DLG2: variants seen among roughly 807,000 people sequenced by gnomAD.
The protein encoded by DLG2 is disks large homolog 2.
DLG2 carries 45 observed loss-of-function variants against 132.5 expected under a neutral mutation model. That is an observed-to-expected ratio of 0.34 (90% confidence interval 0.27 to 0.44). The LOEUF is 0.44. Among genes scored for constraint, DLG2 ranks in the 20% least tolerant of loss-of-function variants. The pLI is 1.00. For missense variants in DLG2, 1,045 were observed against 1,196.9 expected, an observed-to-expected ratio of 0.87 and a Z score of 1.87; for synonymous variants, 424 against 419.6, an observed-to-expected ratio of 1.01 and a Z score of -0.13.
At chr11:85,154,135 GAAAAAA>G (rs34094958) in intron 5 of DLG2, among the ~76,000 whole-genome samples, 1 of 57,674 alleles carries the variant, frequency 1.7e-5, no homozygotes, top group African/African-American at 6.2e-5. Context: ...TTCTTTTGGA[GAAAAAA>G]AAAAAAAAAA....
intron 6 of DLG2, among the ~76,000 whole-genome samples, chr11:84,816,618 AGCCCT>A (rs751364647): frequency 2.4e-4 from 37 of 151,976 alleles, no homozygotes; most frequent in Admixed American, 7.9e-4. Context: ...TTCATATAAC[AGCCCT>A]GCAAGAAAGC....
chr11:84,631,018 T>TCTCTCTCACACA, intron 6 of DLG2, among the ~76,000 whole-genome samples: 1 of 94,262 alleles, frequency 1.1e-5, no homozygotes, highest in Non-Finnish European at 2.0e-5. Context: ...TCTCTCTCTC[T>TCTCTCTCACACA]CACACACACA....
At chr11:83,542,854 C>T (rs1373134351) in intron 19 of DLG2, among the ~76,000 whole-genome samples, 5 of 152,136 alleles carry the variant, frequency 3.3e-5, no homozygotes, top group Non-Finnish European at 7.4e-5. Flanking sequence ...GATTTCACTA[C>T]CTGTCTATCT....
At chr11:84,061,075 G>A (rs1007852092) in intron 10 of DLG2, among the ~76,000 whole-genome samples, 1 of 152,160 alleles carries the variant, frequency 6.6e-6, no homozygotes, top group Admixed American at 6.6e-5. Flanking sequence ...ACAGTGTCCC[G>A]TTTTGTTCAG....
chr11:84,909,058 C>T (rs1017045542), intron 6 of DLG2, among the ~76,000 whole-genome samples: 1 of 151,954 alleles, frequency 6.6e-6, no homozygotes, highest in African/African-American at 2.4e-5. Context: ...AATTCCACAG[C>T]AATCATGGTC....
intron 6 of DLG2, among the ~76,000 whole-genome samples, chr11:84,960,622 A>G (rs1211257711): frequency 1.3e-5 from 2 of 151,954 alleles, no homozygotes; most frequent in African/African-American, 4.8e-5. Flanking sequence ...TATTTTTAGG[A>G]GAGATGGGGT....
intron 6 of DLG2, among the ~76,000 whole-genome samples, chr11:84,791,878 C>T (rs1443057323): frequency 6.6e-6 from 1 of 152,094 alleles, no homozygotes; most frequent in African/African-American, 2.4e-5. Context: ...CATCTACAAA[C>T]AAGGATAATT....
intron 18 of DLG2, among the ~76,000 whole-genome samples, chr11:83,730,080 G>C (rs1021032780): frequency 6.7e-6 from 1 of 148,902 alleles, no homozygotes; most frequent in African/African-American, 2.5e-5. Flanking sequence ...GAACAAAATA[G>C]ATATTGCTAC....
chr11:83,612,646 C>T (rs1260280899), intron 19 of DLG2, among the ~76,000 whole-genome samples: 1 of 152,044 alleles, frequency 6.6e-6, no homozygotes, highest in Non-Finnish European at 1.5e-5. Context: ...ACCATTATAA[C>T]GGAAGTGCTA....
intron 21 of DLG2, among the ~76,000 whole-genome samples, chr11:83,515,517 A>G (rs1390311198): frequency 6.6e-6 from 1 of 151,966 alleles, no homozygotes; most frequent in Non-Finnish European, 1.5e-5. Flanking sequence ...TTGTGTCTCT[A>G]TTTCCTTCAG....
At chr11:84,874,472 G>A (rs965170204) in intron 6 of DLG2, among the ~76,000 whole-genome samples, 1 of 152,126 alleles carries the variant, frequency 6.6e-6, no homozygotes, top group African/African-American at 2.4e-5. Context: ...CTGGCAGGGG[G>A]TAATCACCCA....
chr11:84,277,719 CA>C (rs2097796034), intron 7 of DLG2, among the ~76,000 whole-genome samples: 1 of 151,962 alleles, frequency 6.6e-6, no homozygotes, highest in African/African-American at 2.4e-5. Flanking sequence ...TAAAAAATAA[CA>C]GCACAGAAGA....
At chr11:84,967,677 T>A (rs777775518) in intron 6 of DLG2, among the ~76,000 whole-genome samples, 3 of 152,120 alleles carry the variant, frequency 2.0e-5, no homozygotes, top group Admixed American at 6.6e-5. Context: ...TGCAGATAAT[T>A]AAGATAAAAA....
chr11:84,433,489 G>A (rs1234315933), intron 7 of DLG2, among the ~76,000 whole-genome samples: 1 of 152,150 alleles, frequency 6.6e-6, no homozygotes, highest in African/African-American at 2.4e-5. Flanking sequence ...AAGAAGAAAG[G>A]AATAATTATT....
At position 85,274,634 on chromosome 11, in the gene DLG2, T is replaced by A. The variant is rs141343649; in HGVS notation, c.186+10586A>T. ...CTCTCTCTGAACTTGTACTCTGCTG[T>A]CTCTGACCATTCATTCTACCCCAAG... On this transcript the variant is annotated intron_variant, in intron 4 of 27. Coordinates refer to ENST00000376104, the MANE Select transcript of DLG2 (RefSeq NM_001142699.3). Among the ~76,000 whole-genome samples the A allele has an allele frequency of 1.2e-4, 19 of 152,344 alleles. No homozygotes were observed. In the East Asian group the frequency reaches 3.7e-3, roughly 29 times the overall value.
chr11:83,884,100 T>C (rs1398802264), intron 15 of DLG2, among the ~76,000 whole-genome samples: 1 of 152,166 alleles, frequency 6.6e-6, no homozygotes, highest in Non-Finnish European at 1.5e-5. Flanking sequence ...TACAGGACAG[T>C]GGGTGCAGGG....
chr11:85,056,700 C>T (rs1384239970), intron 6 of DLG2, among the ~76,000 whole-genome samples: 1 of 151,712 alleles, frequency 6.6e-6, no homozygotes, highest in Non-Finnish European at 1.5e-5. Context: ...CCAAAACATA[C>T]AATAATCAAA....
At chr11:84,593,111 T>A (rs2099547934) in intron 6 of DLG2, among the ~76,000 whole-genome samples, 1 of 147,450 alleles carries the variant, frequency 6.8e-6, no homozygotes, top group Admixed American at 6.8e-5. Context: ...AGAGCGAGAC[T>A]CCATCTCCAA....
intron 17 of DLG2, among the ~76,000 whole-genome samples, chr11:83,805,094 GCT>G (rs1201716956): frequency 6.6e-6 from 1 of 152,082 alleles, no homozygotes; most frequent in Non-Finnish European, 1.5e-5. Context: ...ATAGCAGGAA[GCT>G]CAAAATACAT....
Sources: allele counts gnomAD v4.1 joint callset (sites outside exome capture counted in the v4.1 genomes callset), GRCh38; gene constraint gnomAD v4.1.1; transcripts MANE v1.5; gene names NCBI Gene and HGNC (gene_info 2026-07-23, HGNC 2026-07-21).